Variants in NEB observed in about 807,000 individuals in gnomAD.
NEB encodes the protein nebulin, also known as nemaline myopathy type 2.
A neutral mutation model predicts 952.2 loss-of-function variants in NEB; 512 were observed. The ratio of observed to expected loss-of-function variants is 0.54; its 90% confidence interval spans 0.50 to 0.58. The LOEUF (loss-of-function observed/expected upper bound fraction) is 0.58. NEB is among the 20% of genes least tolerant of loss of function. NEB has a pLI of 0.00. For synonymous variants in NEB, 2,900 were observed against 3,149.8 expected (o/e 0.92, Z 2.66); for missense variants, 8,428 against 9,231.1 (o/e 0.91, Z 3.56).
chr2:151,527,060 A>AC, intron 147 of NEB, 38 bp from the exon 148 acceptor site: 1 of 1,376,248 alleles, frequency 7.3e-7, no homozygotes, highest in Non-Finnish European at 1.0e-6. Context: ...GGGAAGGGTG[A>AC]CAGCACAGGA....
chr2:151,544,575 G>A (rs984800863), intron 135 of NEB, among the ~76,000 whole-genome samples: 1 of 152,184 alleles, frequency 6.6e-6, no homozygotes, highest in African/African-American at 2.4e-5. Context: ...AATAACGTAA[G>A]CGTTCTAGTC....
chr2:151,615,955 G>T (rs1451880226), intron 76 of NEB, 47 bp downstream of exon 76: 7 of 1,394,090 alleles, frequency 5.0e-6, no homozygotes, highest in Middle Eastern at 1.8e-4. Flanking sequence ...GCTTCTATTT[G>T]TCAACATCTT....
intron 125 of NEB, among the ~76,000 whole-genome samples, chr2:151,554,648 A>G (rs2095529591): frequency 6.6e-6 from 1 of 152,212 alleles, no homozygotes; most frequent in African/African-American, 2.4e-5. Flanking sequence ...AGTTACCCTC[A>G]TGTGTTGCAT....
chr2:151,499,899 C>G (rs1465112110), intron 168 of NEB, among the ~76,000 whole-genome samples: 1 of 152,054 alleles, frequency 6.6e-6, no homozygotes, highest in Non-Finnish European at 1.5e-5. Flanking sequence ...ATCTAATAGG[C>G]TTATGCACCA....
chr2:151,627,013 T>C lies in NEB; in HGVS notation c.10336A>G (p.Asn3446Asp). 6.2e-7 allele frequency: 1 copy of C among 1,614,000 alleles called. No individual in the cohort carries two copies. Among genetic ancestry groups the C allele is most frequent in the Non-Finnish European group, 8.5e-7 (1 of 1,179,864 alleles). The part of the protein sequence containing the change: ...EQVLAKNNAL[N>D]MNKRLYTEAW... ...AATTGGGGGCTCACCTTGTTCATAT[T>C]GAGAGCATTGTTCTTGGCCAGCACC... Residue 3446 changes from asparagine (N) to aspartate (D), a missense_variant, in exon 70 of 182, where the codon AAT (asparagine) becomes GAT (aspartate). Coordinates refer to ENST00000397345, the MANE Select transcript of NEB (RefSeq NM_001164508.2).
intron 65 of NEB, among the ~76,000 whole-genome samples, chr2:151,632,850 T>C (rs919141698): frequency 1.3e-5 from 2 of 152,108 alleles, no homozygotes; most frequent in African/African-American, 4.8e-5. Context: ...ATATTGTCGT[T>C]GTATGGGTGA....
At chr2:151,578,746 AGAAG>A (rs1441337591) in intron 105 of NEB, among the ~76,000 whole-genome samples, 2 of 140,412 alleles carry the variant, frequency 1.4e-5, no homozygotes, top group Non-Finnish European at 3.1e-5. Flanking sequence ...AAGGAAGGAG[AGAAG>A]GAAGGAACGA....
Position 151,485,508 on chromosome 2 carries a change from G to GAAAT in NEB, c.*248_*251dup. ...TATTCAAAATCCCTGTTTTAGAAAA[G>GAAAT]AAATAATGTTAAAACATGTTTATAA... On this transcript the variant is annotated 3_prime_UTR_variant, in exon 182 of 182. Transcript: ENST00000397345. 2.9e-6 allele frequency: 1 copy of GAAAT among 342,310 alleles called. No individual in the cohort carries two copies. The highest frequency in any genetic ancestry group is 5.2e-6 in the Non-Finnish European group (1 of 190,722). The allele number at this position is 342,310 out of a possible 1,614,324, so 21.2% of individuals were successfully genotyped here. A position where few individuals can be genotyped will look rare whatever the true frequency, so the allele number is the denominator to read the frequency against.
chr2:151,620,854 C>A, intron 72 of NEB, 65 bp downstream of exon 72: 1 of 1,234,670 alleles, frequency 8.1e-7, no homozygotes, highest in South Asian at 1.4e-5. Flanking sequence ...ACCAAAGAGA[C>A]ATCCAGCTGT....
chr2:151,696,211 G>A (rs905220161), intron 17 of NEB, among the ~76,000 whole-genome samples: 1 of 152,164 alleles, frequency 6.6e-6, no homozygotes, highest in East Asian at 1.9e-4. Context: ...TAGGGAGAGA[G>A]AAATTCATGT....
At chr2:151,651,122 T>C (rs2099024479) in intron 52 of NEB, among the ~76,000 whole-genome samples, 1 of 152,152 alleles carries the variant, frequency 6.6e-6, no homozygotes, top group African/African-American at 2.4e-5. Context: ...TTTCCAAAAC[T>C]GAAATGAGAG....
chr2:151,691,063 C>T (rs1249288231), intron 23 of NEB, among the ~76,000 whole-genome samples: 1 of 152,118 alleles, frequency 6.6e-6, no homozygotes, highest in African/African-American at 2.4e-5. Context: ...ATTAACCTTA[C>T]CCTGCTGAAG....
At chr2:151,695,178 C>T (rs970277268) in intron 18 of NEB, among the ~76,000 whole-genome samples, 2 of 152,028 alleles carry the variant, frequency 1.3e-5, no homozygotes, top group Non-Finnish European at 2.9e-5. Flanking sequence ...TTTATTCATG[C>T]AAGTTCTCAT....
chr2:151,660,313 TAGCGTCTCCTTTC>T (rs2099132609), intron 46 of NEB, among the ~76,000 whole-genome samples: 1 of 152,178 alleles, frequency 6.6e-6, no homozygotes, highest in Non-Finnish European at 1.5e-5. Flanking sequence ...ATTTTCATCT[TAGCGTCTCCTTTC>T]AGAAACCCTA....
chr2:151,555,155 G>C, intron 124 of NEB, 111 bp from the exon 125 acceptor site: 2 of 718,160 alleles, frequency 2.8e-6, no homozygotes, highest in South Asian at 3.3e-5. Flanking sequence ...TCCACCCAGC[G>C]TTGGGGACAA....
intron 162 of NEB, among the ~76,000 whole-genome samples, chr2:151,507,460 C>T (rs1399823086): frequency 2.6e-5 from 4 of 152,152 alleles, no homozygotes; most frequent in Non-Finnish European, 5.9e-5. Flanking sequence ...TCATTTAAAG[C>T]AGGCAATAAG....
rs1013446253 is a variant in NEB at position 151,663,400 on chromosome 2, T to C, written c.5763+148A>G. 4 of 787,010 alleles carry C rather than the reference T, an allele frequency of 5.1e-6. No homozygotes were observed. In the South Asian group the frequency reaches 8.4e-5, roughly 17 times the overall value. The allele number at this position is 787,010 out of a possible 1,614,324, so 48.8% of individuals were successfully genotyped here. A position where few individuals can be genotyped will look rare whatever the true frequency, so the allele number is the denominator to read the frequency against. ...ATTGATCTCCTTTTGTTAAAGGACA[T>C]GAATTCAATCTAAGGTAACAAATGA... On this transcript the variant is annotated intron_variant, in intron 45 of 181. Transcript: ENST00000397345.
intron 135 of NEB, among the ~76,000 whole-genome samples, chr2:151,543,923 A>C (rs567700506): frequency 6.6e-6 from 1 of 152,372 alleles, no homozygotes; most frequent in African/African-American, 2.4e-5. Context: ...GAATCTATAC[A>C]ATTGAAAACT....
chr2:151,639,925 T>C lies in NEB; in HGVS notation c.8821A>G (p.Lys2941Glu), dbSNP rs748890641. The C allele has an allele frequency of 6.2e-7, 1 of 1,614,014 alleles. No individual in the cohort carries two copies. Among genetic ancestry groups the C allele is most frequent in the Non-Finnish European group, 8.5e-7 (1 of 1,179,862 alleles). Reference protein sequence around the residue: ...KIYRQPPDRFKFTSVTDSLEQ... With the variant: ...KIYRQPPDRFEFTSVTDSLEQ... ...AGAGAGTCAGTCACACTGGTAAATT[T>C]GAATCTGTCTGGAGGCTGGCGATAG... Residue 2941 changes from lysine (K) to glutamate (E), a missense_variant, in exon 62 of 182, where the codon AAA (lysine) becomes GAA (glutamate). This residue lies in a region of NEB where 1,772 missense variants were observed against 1,960.3 expected (regional missense o/e 0.90). Transcript: ENST00000397345.
Sources: gnomAD v4.1 joint callset for allele counts (sites outside exome capture counted in the v4.1 genomes callset) on GRCh38, gnomAD v4.1.1 for gene constraint, gnomAD v4.1.1 regional missense constraint, MANE v1.5 for transcripts, NCBI Gene and HGNC (gene_info 2026-07-23, HGNC 2026-07-21) for gene names.